Variants in TTC7A observed in about 807,000 individuals in gnomAD.
The protein encoded by TTC7A is tetratricopeptide repeat protein 7A.
TTC7A carries 110 observed loss-of-function variants against 103.7 expected under a neutral mutation model. The observed-to-expected ratio is 1.06, with a 90% CI of 0.91 to 1.24. The LOEUF is 1.24. Among genes scored for constraint, TTC7A ranks in the 50% most tolerant of loss-of-function variants. TTC7A has a pLI of 0.00. For missense variants in TTC7A, 1,340 were observed against 1,116.3 expected (o/e 1.20, Z -2.86); for synonymous variants, 521 against 467.9 (o/e 1.11, Z -1.47).
chr2:47,020,155 G>A (rs898527555), intron 11 of TTC7A, among the ~76,000 whole-genome samples: 42 of 152,330 alleles, frequency 2.8e-4, no homozygotes, highest in East Asian at 9.7e-4. Flanking sequence ...GGGCTGTGGG[G>A]AGCGGGGAGG....
At chr2:47,045,923 T>C (rs1008759139) in intron 15 of TTC7A, among the ~76,000 whole-genome samples, 5 of 152,070 alleles carry the variant, frequency 3.3e-5, no homozygotes, top group African/African-American at 1.2e-4. Context: ...GGAATGTGAG[T>C]GTAAGCCTGG....
chr2:47,061,340 T>A (rs1174745172), intron 19 of TTC7A, among the ~76,000 whole-genome samples: 1 of 152,226 alleles, frequency 6.6e-6, no homozygotes, highest in Non-Finnish European at 1.5e-5. Flanking sequence ...ATCCAGACTC[T>A]AGGTGGTTAC....
chr2:46,984,051 G>A (rs1674754351), intron 5 of TTC7A, among the ~76,000 whole-genome samples: 1 of 152,196 alleles, frequency 6.6e-6, no homozygotes, highest in Non-Finnish European at 1.5e-5. Context: ...GCACTTGCAT[G>A]TCTGTTAGTC....
chr2:46,991,241 G>C (rs1675595842), intron 5 of TTC7A, among the ~76,000 whole-genome samples: 1 of 152,056 alleles, frequency 6.6e-6, no homozygotes, highest in Non-Finnish European at 1.5e-5. Context: ...AATTCAGCAG[G>C]TCTGGGTGGG....
At chr2:46,928,495 T>C (rs115134612) in intron 2 of TTC7A, among the ~76,000 whole-genome samples, 1,577 of 144,140 alleles carry the variant, frequency 0.011, 31 homozygotes, top group African/African-American at 0.039. Flanking sequence ...ACTTGGGCCA[T>C]GTGTGGTGGC....
intron 3 of TTC7A, among the ~76,000 whole-genome samples, chr2:46,957,329 C>T (rs7577164): frequency 2.2e-4 from 34 of 152,230 alleles, no homozygotes; most frequent in African/African-American, 8.2e-4. Flanking sequence ...CCTGACCTCC[C>T]AGGGTTACCA....
chr2:46,922,967 C>T (rs1345411834), intron 2 of TTC7A, among the ~76,000 whole-genome samples: 1 of 152,198 alleles, frequency 6.6e-6, no homozygotes, highest in Non-Finnish European at 1.5e-5. Context: ...CCCAAGACCC[C>T]CTCTTTATTA....
chr2:46,933,647 A>C (rs1225066375), intron 2 of TTC7A, among the ~76,000 whole-genome samples: 3 of 152,214 alleles, frequency 2.0e-5, no homozygotes, highest in Non-Finnish European at 4.4e-5. Flanking sequence ...AATGAGTAAA[A>C]GTTGATTTCC....
At chr2:46,953,013 A>G (rs184068759) in intron 2 of TTC7A, among the ~76,000 whole-genome samples, 281 of 152,332 alleles carry the variant, frequency 1.8e-3, no homozygotes, top group African/African-American at 6.2e-3. Flanking sequence ...TATTGTGACA[A>G]CGGTTTTATT....
chr2:46,951,486 G>A (rs1469132987), intron 2 of TTC7A: 1 of 443,282 alleles, frequency 2.3e-6, no homozygotes, highest in Non-Finnish European at 4.5e-6. Flanking sequence ...AGGGGGAGGG[G>A]GTAAAAAAAA....
chr2:46,984,767 T>A (rs1674836373), intron 5 of TTC7A, among the ~76,000 whole-genome samples: 1 of 152,152 alleles, frequency 6.6e-6, no homozygotes, highest in African/African-American at 2.4e-5. Context: ...TGAGGGAGGC[T>A]TGGAGAGGTT....
chr2:47,055,531 A>C (rs989635218), intron 18 of TTC7A, among the ~76,000 whole-genome samples: 2 of 152,084 alleles, frequency 1.3e-5, no homozygotes, highest in African/African-American at 4.8e-5. Context: ...GAGTGTTGAG[A>C]GAGGTGCTTT....
intron 2 of TTC7A, among the ~76,000 whole-genome samples, chr2:46,952,306 G>A (rs1233799345): frequency 6.6e-6 from 1 of 151,944 alleles, no homozygotes; most frequent in Non-Finnish European, 1.5e-5. Flanking sequence ...GATTGGTGGG[G>A]TTCAAGCTTT....
intron 4 of TTC7A, 48 bp downstream of exon 4, chr2:46,975,151 C>T (rs1399723371): frequency 1.9e-6 from 3 of 1,606,396 alleles, no homozygotes; most frequent in Non-Finnish European, 1.7e-6. Context: ...TATTGAGCAC[C>T]TATGTCTATG....
chr2:46,944,377 T>G (rs1368361144), intron 1 of TTC7A, among the ~76,000 whole-genome samples: 3 of 144,314 alleles, frequency 2.1e-5, no homozygotes, highest in Non-Finnish European at 3.0e-5. Flanking sequence ...ATTTTGGGTT[T>G]TTTTTTTTTT....
intron 16 of TTC7A, chr2:47,046,808 A>G (rs1357363263): frequency 4.0e-6 from 1 of 248,546 alleles, no homozygotes; most frequent in Non-Finnish European, 7.7e-6. Context: ...GACTTTATAT[A>G]TAGCTTACCA....
intron 16 of TTC7A, among the ~76,000 whole-genome samples, chr2:47,048,535 C>T (rs1337669335): frequency 2.0e-5 from 3 of 152,210 alleles, no homozygotes; most frequent in African/African-American, 7.2e-5. Context: ...AGTAGCATTG[C>T]CAAGGGTCAC....
At position 46,974,969 on chromosome 2, in the gene TTC7A, G is replaced by T. The variant is rs190250043; in HGVS notation, c.518-4G>T. On this transcript the variant is annotated splice_region_variant and splice_polypyrimidine_tract_variant and intron_variant, in intron 3 of 19. Transcript: ENST00000319190. Reference sequence around the variant, plus strand: ...AGGTCTGAGGCACCCTCTTCCTCCCGCAGGCCTCTCTCTGGAACGCCTACC... The same window carrying T: ...AGGTCTGAGGCACCCTCTTCCTCCCTCAGGCCTCTCTCTGGAACGCCTACC... 47 of 1,612,626 alleles carry T rather than the reference G, an allele frequency of 2.9e-5. 1 individual carries two copies. The highest frequency in any genetic ancestry group is 3.8e-5 in the Non-Finnish European group (45 of 1,179,318).
intron 5 of TTC7A, among the ~76,000 whole-genome samples, chr2:46,987,809 CGTGT>C (rs34664382): frequency 0.013 from 1,814 of 144,492 alleles, 18 homozygotes; most frequent in East Asian, 0.034. Context: ...CCTTTCCGCG[CGTGT>C]GTGTGTGTGT....
Sources: allele counts gnomAD v4.1 joint callset (sites outside exome capture counted in the v4.1 genomes callset), GRCh38; gene constraint gnomAD v4.1.1; transcripts MANE v1.5; gene names NCBI Gene and HGNC (gene_info 2026-07-23, HGNC 2026-07-21).